NEDD4L: variants seen among roughly 807,000 people sequenced by gnomAD.
NEDD4L encodes E3 ubiquitin-protein ligase NEDD4-like.
Under a neutral mutation model 148.9 loss-of-function variants are expected in NEDD4L, and 54 were observed. The ratio of observed to expected loss-of-function variants is 0.36; its 90% CI spans 0.29 to 0.45. The LOEUF (loss-of-function observed/expected upper bound fraction) is 0.45, where lower values mean the gene tolerates loss of function less well. Among genes scored for constraint, NEDD4L ranks in the 20% least tolerant of loss-of-function variants. The pLI, the probability that NEDD4L is intolerant of heterozygous loss-of-function variation, is 1.00. For missense variants in NEDD4L, 856 were observed against 1,233.8 expected, an observed-to-expected ratio of 0.69 and a Z score of 4.59; for synonymous variants, 433 against 440.7, an observed-to-expected ratio of 0.98 and a Z score of 0.22.
chr18:58,077,040 TG>T (rs1694551383), intron 1 of NEDD4L, among the ~76,000 whole-genome samples: 1 of 151,706 alleles, frequency 6.6e-6, no homozygotes, highest in Non-Finnish European at 1.5e-5. Context: ...TTAGTAGAGA[TG>T]GGGTTTTGCT....
At chr18:58,114,389 T>C (rs886255816) in intron 1 of NEDD4L, among the ~76,000 whole-genome samples, 1 of 151,900 alleles carries the variant, frequency 6.6e-6, no homozygotes, top group Non-Finnish European at 1.5e-5. Context: ...TACACACATA[T>C]AAAGTAAAAA....
In NEDD4L at chr18:58,400,285, C is replaced by T. The variant is rs889330963; in HGVS notation, c.*4016C>T. ...TGGGGTACATCCTGATAAGTCGTGTCAGAACTGCCAATTTCAGGACTGAGA... is the reference window on the plus strand; with the variant it reads ...TGGGGTACATCCTGATAAGTCGTGTTAGAACTGCCAATTTCAGGACTGAGA... On this transcript the variant is annotated 3_prime_UTR_variant, in exon 31 of 31. Transcript: ENST00000400345. 1.3e-5 allele frequency: 2 copies of T among 152,196 alleles called. No homozygotes were observed. Among genetic ancestry groups the T allele is most frequent in the African/African-American group, 4.8e-5 (2 of 41,454 alleles). The allele number at this position is 152,196 out of a possible 1,614,324, so 9.4% of individuals were successfully genotyped here.
At chr18:58,190,009 G>A (rs973219509) in intron 2 of NEDD4L, 12 of 152,126 alleles carry the variant, frequency 7.9e-5, no homozygotes, top group African/African-American at 2.4e-4. Context: ...ATTCCAAATC[G>A]TTTTTAGGGA....
rs540938706 is a variant in NEDD4L, at chr18:58,147,550, A to G, written c.49-18238A>G. Among the ~76,000 whole-genome samples the G allele has an allele frequency of 4.6e-5, 7 of 152,268 alleles. No homozygotes were observed. The South Asian group carries it at 1.5e-3, about 32-fold the overall frequency. On this transcript the variant is annotated intron_variant, in intron 1 of 30. Transcript: ENST00000400345. ...AAAGCTTCACTGTCCCTTTCTGTAC[A>G]TTGTCAGGACGGCTGTTAATACCAC...
At position 58,277,576 on chromosome 18, in the gene NEDD4L, T is replaced by A. The variant is rs567722979; in HGVS notation, c.297+25522T>A. 2.0e-5 allele frequency among the ~76,000 whole-genome samples: 3 copies of A among 152,286 alleles called. No individual in the cohort carries two copies. In the East Asian group the frequency reaches 5.8e-4, roughly 29 times the overall value. On this transcript the variant is annotated intron_variant, in intron 5 of 30. Coordinates refer to ENST00000400345, the MANE Select transcript of NEDD4L (RefSeq NM_001144967.3). The stretch of plus-strand genomic sequence containing the variant: ...ATGGGTCACCTTCTCACCCTCTGGC[T>A]TGCTTCTCAGTGGGTGTAAATGGGG...
chr18:58,299,801 G>A (rs1472566863), intron 5 of NEDD4L, among the ~76,000 whole-genome samples: 2 of 152,098 alleles, frequency 1.3e-5, no homozygotes, highest in African/African-American at 4.8e-5. Context: ...GAGTTTCATG[G>A]TCAGCTGTTC....
intron 26 of NEDD4L, among the ~76,000 whole-genome samples, chr18:58,386,354 G>A (rs966040009): frequency 1.3e-5 from 2 of 152,152 alleles, no homozygotes; most frequent in Non-Finnish European, 2.9e-5. Flanking sequence ...CCCAGCCATG[G>A]ACATTTTTTT....
chr18:58,236,395 G>T (rs754266436), intron 2 of NEDD4L, among the ~76,000 whole-genome samples: 2 of 152,144 alleles, frequency 1.3e-5, no homozygotes, highest in Non-Finnish European at 2.9e-5. Flanking sequence ...GTACTGGTTG[G>T]GTTAACGTTT....
At chr18:58,094,138 G>T (rs1471483441) in intron 1 of NEDD4L, among the ~76,000 whole-genome samples, 1 of 150,952 alleles carries the variant, frequency 6.6e-6, no homozygotes, top group East Asian at 1.9e-4. Context: ...TCCTGCCTTT[G>T]TGATTTCTCC....
chr18:58,141,284 C>T (rs1238087214), intron 1 of NEDD4L, among the ~76,000 whole-genome samples: 3 of 152,086 alleles, frequency 2.0e-5, no homozygotes, highest in South Asian at 4.1e-4. Context: ...TGGGGTAACA[C>T]AATATAAGTT....
chr18:58,126,796 C>T lies in NEDD4L; in HGVS notation c.49-38992C>T, dbSNP rs149953183. ...TTACCCTTTTCTGTTGCCTCTGTAG[C>T]ACTTTCTAAACATAAAATTAGCTTA... On this transcript the variant is annotated intron_variant, in intron 1 of 30. Transcript: ENST00000400345. 2.0e-3 allele frequency among the ~76,000 whole-genome samples: 305 copies of T among 152,290 alleles called. 1 individual carries two copies. The highest frequency in any genetic ancestry group is 7.0e-3 in the African/African-American group (290 of 41,546).
At chr18:58,299,506 T>G (rs1456976780) in intron 5 of NEDD4L, among the ~76,000 whole-genome samples, 1 of 152,228 alleles carries the variant, frequency 6.6e-6, no homozygotes, top group Non-Finnish European at 1.5e-5. Flanking sequence ...TTTTAGTACC[T>G]TTGTGTATAC....
intron 1 of NEDD4L, among the ~76,000 whole-genome samples, chr18:58,163,476 C>A (rs898483444): frequency 1.1e-4 from 17 of 152,232 alleles, no homozygotes; most frequent in African/African-American, 4.1e-4. Context: ...ACCCCTGATG[C>A]TTCTGTAAGC....
intron 18 of NEDD4L, 30 bp from the exon 19 acceptor site, chr18:58,357,164 A>ATTT: frequency 2.5e-5 from 35 of 1,421,434 alleles, no homozygotes; most frequent in Non-Finnish European, 3.0e-5. Context: ...TAATGTTCTG[A>ATTT]TTTTTTTTTT....
chr18:58,316,023 T>C lies in NEDD4L; in HGVS notation c.339T>C (p.Ser113=). Residue 113 remains serine, a synonymous_variant, in exon 6 of 31, where the codon AGT becomes AGC. Coordinates refer to ENST00000400345, the MANE Select transcript of NEDD4L (RefSeq NM_001144967.3). ...DFLGQVDVPL[S]HLPTEDPTME... ...TGGGCCAGGTGGACGTGCCCCTTAG[T>C]CACCTTCCGGTAAGGACAGTCTCAT... is the stretch of plus-strand genomic sequence containing the variant. The C allele has an allele frequency of 1.9e-6, 3 of 1,613,370 alleles. No individual in the cohort carries two copies. The highest frequency in any genetic ancestry group is 2.2e-5 in the South Asian group (2 of 91,060).
At chr18:58,204,984 G>A (rs1253054562) in intron 2 of NEDD4L, among the ~76,000 whole-genome samples, 1 of 152,180 alleles carries the variant, frequency 6.6e-6, no homozygotes, top group South Asian at 2.1e-4. Context: ...GCAGAATGTG[G>A]ATCAGATCCA....
intron 3 of NEDD4L, chr18:58,247,529 T>G (rs181919640): frequency 4.6e-5 from 7 of 152,244 alleles, no homozygotes; most frequent in Admixed American, 3.9e-4. Flanking sequence ...ATGGATTTCC[T>G]TCCAAAGGGA....
chr18:58,197,992 C>A (rs1030439949), intron 2 of NEDD4L: 12 of 152,290 alleles, frequency 7.9e-5, no homozygotes, highest in Non-Finnish European at 1.5e-4. Context: ...TAGCCTGGGT[C>A]TCTTTGGCAC....
intron 2 of NEDD4L, among the ~76,000 whole-genome samples, chr18:58,188,176 C>T (rs2039684370): frequency 6.6e-6 from 1 of 152,192 alleles, no homozygotes; most frequent in Non-Finnish European, 1.5e-5. Context: ...CAGGCCACCC[C>T]ACAGGACGGT....
Sources: gnomAD v4.1 joint callset for allele counts (sites outside exome capture counted in the v4.1 genomes callset) on GRCh38, gnomAD v4.1.1 for gene constraint, MANE v1.5 for transcripts, NCBI Gene and HGNC (gene_info 2026-07-23, HGNC 2026-07-21) for gene names.